The following COPRS variants were observed in gnomAD, a reference collection of about 807,000 sequenced individuals.
COPRS encodes cooperator of PRMT5.
In COPRS, 11 loss-of-function variants were observed where a neutral mutation model predicts 19.9. The observed-to-expected ratio is 0.55, with a 90% CI of 0.35 to 0.92. COPRS has a LOEUF of 0.92. Among genes scored for constraint, COPRS ranks in the 40% least tolerant of loss-of-function variants. The pLI is 0.01. For missense variants in COPRS, 225 were observed against 229.9 expected (o/e 0.98, Z 0.14); for synonymous variants, 81 against 82.7 (o/e 0.98, Z 0.11).
intron 2 of COPRS, among the ~76,000 whole-genome samples, chr17:31,854,965 C>T (rs1398389894): frequency 6.6e-6 from 1 of 152,184 alleles, no homozygotes; most frequent in East Asian, 1.9e-4. Context: ...AAAATGGTTA[C>T]ATGGTAAATT....
chr17:31,857,998 C>G (rs895159577), intron 1 of COPRS, among the ~76,000 whole-genome samples: 1 of 152,156 alleles, frequency 6.6e-6, no homozygotes, highest in Non-Finnish European at 1.5e-5. Flanking sequence ...GAAGTCAGAC[C>G]TCTCACCTAA....
intron 2 of COPRS, among the ~76,000 whole-genome samples, chr17:31,854,201 C>A (rs1176560035): frequency 1.3e-5 from 2 of 151,742 alleles, no homozygotes; most frequent in Non-Finnish European, 2.9e-5. Flanking sequence ...AACCCTGTCT[C>A]TACAAAAAAT....
At chr17:31,854,774 C>A (rs1909280974) in intron 2 of COPRS, among the ~76,000 whole-genome samples, 1 of 152,022 alleles carries the variant, frequency 6.6e-6, no homozygotes, top group Non-Finnish European at 1.5e-5. Flanking sequence ...AACAGATAAA[C>A]CCACAGAGAC....
intron 2 of COPRS, among the ~76,000 whole-genome samples, chr17:31,855,929 G>C (rs563252163): frequency 1.3e-5 from 2 of 150,190 alleles, no homozygotes; most frequent in East Asian, 4.1e-4. Flanking sequence ...AGGAGGCAGA[G>C]GTTGCAGTGA....
chr17:31,858,610 C>G lies in COPRS; in HGVS notation c.99+491G>C, dbSNP rs76564346. 1,235 of 1,015,962 alleles carry G rather than the reference C, an allele frequency of 1.2e-3. 7 individuals carry two copies. In the East Asian group the frequency reaches 0.015, roughly 12 times the overall value. The allele number at this position is 1,015,962 out of a possible 1,614,324, so 62.9% of individuals were successfully genotyped here. A position where few individuals can be genotyped will look rare whatever the true frequency, so the allele number is the denominator to read the frequency against. On this transcript the variant is annotated intron_variant, in intron 1 of 3. Transcript: ENST00000302362. ...TACATGAAAACAAGTTTCTGGAAAC[C>G]CTGCGTCAAACAGGGCCTTTCTGGT...
At chr17:31,852,339 G>C in intron 3 of COPRS, 31 bp from the exon 4 acceptor site, 2 of 1,565,644 alleles carry the variant, frequency 1.3e-6, no homozygotes, top group Non-Finnish European at 8.7e-7. Context: ...CAGATTAAGG[G>C]AAGGAAGGAG....
chr17:31,858,858 C>T (rs777650477), intron 1 of COPRS: 3 of 1,545,772 alleles, frequency 1.9e-6, no homozygotes, highest in Middle Eastern at 1.7e-4. Context: ...GGCGGACAGC[C>T]GTCTCTGCTG....
Position 31,852,163 on chromosome 17 carries a change from T to A in COPRS, c.531A>T (p.Gly177=). 6.2e-7 allele frequency: 1 copy of A among 1,614,120 alleles called. No individual in the cohort carries two copies. Among genetic ancestry groups the A allele is most frequent in the South Asian group, 1.1e-5 (1 of 91,076 alleles). ...PYYSKMVFET[G]QFDDAED ...CTCAATCTTCAGCATCGTCAAACTGTCCTGTTTCAAAGACCATCTTGGAAT... is the reference window on the plus strand; with the variant it reads ...CTCAATCTTCAGCATCGTCAAACTGACCTGTTTCAAAGACCATCTTGGAAT... Residue 177 remains glycine, a synonymous_variant, in exon 4 of 4, where the codon GGA becomes GGT. Coordinates refer to ENST00000302362, the MANE Select transcript of COPRS (RefSeq NM_018405.4).
intron 2 of COPRS, among the ~76,000 whole-genome samples, chr17:31,855,698 G>C (rs1009144542): frequency 4.9e-5 from 7 of 143,644 alleles, no homozygotes; most frequent in Non-Finnish European, 1.5e-5. Flanking sequence ...AAAAAAAAAA[G>C]AAAAAGAAAA....
intron 2 of COPRS, 71 bp downstream of exon 2, chr17:31,856,728 A>G: frequency 1.0e-6 from 1 of 962,312 alleles, no homozygotes; most frequent in Non-Finnish European, 1.7e-6. Context: ...GAGAAGGTAA[A>G]TGAGACAGAG....
rs1909459549 is a variant in COPRS, at chr17:31,859,161, G to C, written c.39C>G (p.Ala13=). 1 of 1,070,380 alleles carries C rather than the reference G, an allele frequency of 9.3e-7. No individual in the cohort carries two copies. The highest frequency in any genetic ancestry group is 5.4e-5 in the Admixed American group (1 of 18,670). The allele number at this position is 1,070,380 out of a possible 1,614,324, so 66.3% of individuals were successfully genotyped here. A position where few individuals can be genotyped will look rare whatever the true frequency, so the allele number is the denominator to read the frequency against. The change falls in exon 1 of 4, where the codon GCC becomes GCG. Residue 13 remains alanine (A), a synonymous_variant. Coordinates refer to ENST00000302362, the MANE Select transcript of COPRS (RefSeq NM_018405.4). ...GCGGCGGGCCCCGAGACGGCTCCGC[G>C]GCCCCCTGCGCCTGGGCCCCGGCGG... ...LQAAGAQAQG[A]AEPSRGPPLP... is the part of the protein sequence containing the mutation.
At chr17:31,852,579 T>C (rs1254186877) in intron 3 of COPRS, among the ~76,000 whole-genome samples, 1 of 152,168 alleles carries the variant, frequency 6.6e-6, no homozygotes, top group East Asian at 1.9e-4. Context: ...ATAGCAGAGA[T>C]TTTTGGAGAG....
rs769971028 is a variant in COPRS at position 31,852,993 on chromosome 17, G to C, written c.204C>G (p.Ala68=). 6.2e-7 allele frequency: 1 copy of C among 1,613,914 alleles called. No homozygotes were observed. The highest frequency in any genetic ancestry group is 8.5e-7 in the Non-Finnish European group (1 of 1,179,834). The change falls in exon 3 of 4, where the codon GCC becomes GCG. Residue 68 remains alanine (A), a synonymous_variant. Coordinates refer to ENST00000302362, the MANE Select transcript of COPRS (RefSeq NM_018405.4). ...CTTCAGAATGGGTGCCCTCACCCCG[G>C]GCAGGACTGTCATTAGGAATGCTCT... ...GTQSIPNDSP[A]RGEGTHSEEE... is the part of the protein sequence containing the mutation.
chr17:31,852,247 T>C lies in COPRS; in HGVS notation c.447A>G (p.Pro149=), dbSNP rs770310290. 39 of 1,613,726 alleles carry C rather than the reference T, an allele frequency of 2.4e-5. No individual in the cohort carries two copies. The highest frequency in any genetic ancestry group is 3.1e-5 in the Non-Finnish European group (37 of 1,179,834). Residue 149 remains proline, a synonymous_variant, in exon 4 of 4, where the codon CCA becomes CCG. Transcript: ENST00000302362. The part of the protein sequence containing the change: ...QELKPWVCCA[P]QGDMIYDPSW... ...TGGGGTCATAGATCATGTCTCCTTG[T>C]GGGGCACAGCACACCCAAGGTTTAA...
intron 2 of COPRS, among the ~76,000 whole-genome samples, chr17:31,853,261 T>TAA (rs1347986910): frequency 6.6e-6 from 1 of 152,204 alleles, no homozygotes; most frequent in Non-Finnish European, 1.5e-5. Context: ...TGTCAGGTCC[T>TAA]TTAATTTACA....
At position 31,853,116 on chromosome 17, in the gene COPRS, G is replaced by C; in HGVS notation, c.167-86C>G. On this transcript the variant is annotated intron_variant, in intron 2 of 3. Coordinates refer to ENST00000302362, the MANE Select transcript of COPRS (RefSeq NM_018405.4). ...AGTAAATTTTGGGCAGACTTACTACGAAGGTAGTAAAACAAGTGCACAGAG... is the reference window on the plus strand; with the variant it reads ...AGTAAATTTTGGGCAGACTTACTACCAAGGTAGTAAAACAAGTGCACAGAG... The C allele has an allele frequency of 2.1e-6, 2 of 945,214 alleles. 1 individual carries two copies. Among genetic ancestry groups the C allele is most frequent in the South Asian group, 2.7e-5 (2 of 74,410 alleles). The allele number at this position is 945,214 out of a possible 1,614,324, so 58.6% of individuals were successfully genotyped here.
At chr17:31,858,504 G>A (rs746476781) in intron 1 of COPRS, 32 of 624,306 alleles carry the variant, frequency 5.1e-5, no homozygotes, top group African/African-American at 4.2e-4. Context: ...GCACCTAGCC[G>A]GTACAGACTG....
At chr17:31,855,586 T>C (rs1341145140) in intron 2 of COPRS, among the ~76,000 whole-genome samples, 1 of 151,792 alleles carries the variant, frequency 6.6e-6, no homozygotes, top group Non-Finnish European at 1.5e-5. Context: ...CTCAGGAGGC[T>C]GAGGCACGAG....
At chr17:31,857,552 GCCAA>G (rs1909400596) in intron 1 of COPRS, among the ~76,000 whole-genome samples, 1 of 152,188 alleles carries the variant, frequency 6.6e-6, no homozygotes, top group South Asian at 2.1e-4. Flanking sequence ...TTCCCGCACA[GCCAA>G]CCAAATGCTT....
Sources: gnomAD v4.1 joint callset for allele counts (sites outside exome capture counted in the v4.1 genomes callset) on GRCh38, gnomAD v4.1.1 for gene constraint, MANE v1.5 for transcripts, NCBI Gene and HGNC (gene_info 2026-07-23, HGNC 2026-07-21) for gene names.